METTL22: variants seen among roughly 807,000 people sequenced by gnomAD.
METTL22 encodes methyltransferase-like protein 22.
METTL22 carries 51 observed loss-of-function variants against 48.4 expected under a neutral mutation model. That is an observed-to-expected ratio of 1.05 (90% CI 0.84 to 1.33). The LOEUF (loss-of-function observed/expected upper bound fraction) is 1.33, where lower values mean the gene tolerates loss of function less well. METTL22 is among the 40% of genes most tolerant of loss of function. The pLI, the probability that METTL22 is intolerant of heterozygous loss-of-function variation, is 0.00. For synonymous variants in METTL22, 255 were observed against 214.1 expected (o/e 1.19, Z -1.67); for missense variants, 678 against 526.9 (o/e 1.29, Z -2.81).
intron 5 of METTL22, among the ~76,000 whole-genome samples, chr16:8,635,674 G>C (rs539992141): frequency 6.6e-6 from 1 of 152,256 alleles, no homozygotes; most frequent in African/African-American, 2.4e-5. Context: ...TTTTTTTCCT[G>C]GGTATAGAAG....
At chr16:8,630,923 G>C (rs563625139) in intron 3 of METTL22, among the ~76,000 whole-genome samples, 1 of 152,286 alleles carries the variant, frequency 6.6e-6, no homozygotes, top group South Asian at 2.1e-4. Flanking sequence ...ATCTAATCCT[G>C]CAGGGCTGGA....
At position 8,621,747 on chromosome 16, in the gene METTL22, G is replaced by A. The variant is rs577685553; in HGVS notation, c.-199G>A. 7.2e-5 allele frequency: 11 copies of A among 152,424 alleles called. No individual in the cohort carries two copies. Among genetic ancestry groups the A allele is most frequent in the African/African-American group, 2.4e-4 (10 of 41,586 alleles). 9.4% of individuals were successfully genotyped at this position (152,424 alleles called of 1,614,324 possible). Reference sequence around the variant, plus strand: ...TAAGTCCCACAGAGACGGGAGTCGGGTGGGATCCCAGGCTGGGCCCCGCGG... The same window carrying A: ...TAAGTCCCACAGAGACGGGAGTCGGATGGGATCCCAGGCTGGGCCCCGCGG... On this transcript the variant is annotated 5_prime_UTR_variant, in exon 1 of 11. It adds an upstream start codon to the 5' untranslated region. Coordinates refer to ENST00000381920, the MANE Select transcript of METTL22 (RefSeq NM_024109.4).
intron 2 of METTL22, among the ~76,000 whole-genome samples, chr16:8,626,759 C>G (rs1203570663): frequency 1.2e-5 from 1 of 86,318 alleles, no homozygotes; most frequent in Non-Finnish European, 2.4e-5. Flanking sequence ...CTGTCCTCTA[C>G]TCTTTTTTTT....
At chr16:8,653,046 A>G (rs2056921542), downstream of METTL22, among the ~76,000 whole-genome samples, 1 of 152,136 alleles carries the variant, frequency 6.6e-6, no homozygotes, top group African/African-American at 2.4e-5. Flanking sequence ...TGCTCAACCA[A>G]TGCATGCGCC....
chr16:8,629,245 C>T (rs1055348386), intron 3 of METTL22, 135 bp downstream of exon 3: 51 of 1,161,922 alleles, frequency 4.4e-5, no homozygotes, highest in Non-Finnish European at 7.3e-6. Context: ...TCGGGTGAGA[C>T]TGGGGAAGCT....
chr16:8,631,190 T>G (rs755163314), intron 3 of METTL22: 1 of 152,230 alleles, frequency 6.6e-6, no homozygotes, highest in Non-Finnish European at 1.5e-5. Context: ...TAGACCCATT[T>G]GAGAAACTGG....
rs879009540 is a variant in METTL22 at position 8,640,938 on chromosome 16, A to G, written c.773-193A>G. ...GATGGATGGATGGATGGATGGATGGATGGATGGGTGGGTGGATGGCTGGCT... is the reference window on the plus strand; with the variant it reads ...GATGGATGGATGGATGGATGGATGGGTGGATGGGTGGGTGGATGGCTGGCT... On this transcript the variant is annotated intron_variant, in intron 6 of 10. Transcript: ENST00000381920. Among the ~76,000 whole-genome samples the G allele has an allele frequency of 3.3e-3, 54 of 16,266 alleles. 3 individuals are homozygous for G. The highest frequency in any genetic ancestry group is 6.6e-3 in the Non-Finnish European group (44 of 6,706). The allele number at this position is 16,266 out of a possible 152,430, so 10.7% of individuals were successfully genotyped here. A position where few individuals can be genotyped will look rare whatever the true frequency, so the allele number is the denominator to read the frequency against.
chr16:8,625,876 A>G lies in METTL22; in HGVS notation c.133+78A>G, dbSNP rs988951719. On this transcript the variant is annotated intron_variant, in intron 2 of 10. Transcript: ENST00000381920. ...TCATACTCATCTTTTTGGGGAAAAT[A>G]TTGGGAAGACTGGATTACGTAACTG... The G allele has an allele frequency of 4.5e-6, 7 of 1,561,210 alleles. No individual in the cohort carries two copies. The African/African-American group carries it at 9.5e-5, about 21-fold the overall frequency.
intron 6 of METTL22, chr16:8,639,402 A>G (rs1196934892): frequency 1.7e-6 from 1 of 575,952 alleles, no homozygotes; most frequent in East Asian, 2.9e-5. Flanking sequence ...TCTCTCCCGG[A>G]CACTGGCGGC....
At chr16:8,631,805 T>C (rs1285041483) in intron 3 of METTL22, 1 of 152,200 alleles carries the variant, frequency 6.6e-6, no homozygotes, top group Non-Finnish European at 1.5e-5. Flanking sequence ...CATGATACCT[T>C]TGGGATTATT....
chr16:8,637,419 C>T (rs182056927), intron 5 of METTL22, among the ~76,000 whole-genome samples: 4 of 152,258 alleles, frequency 2.6e-5, no homozygotes, highest in African/African-American at 9.6e-5. Context: ...AAGTCTTATC[C>T]CTGAGAGAGA....
At chr16:8,658,910 C>T in the METTL22 span, among the ~76,000 whole-genome samples, 1 of 152,186 alleles carries the variant, frequency 6.6e-6, no homozygotes, top group Non-Finnish European at 1.5e-5. Context: ...TCCGAGAATG[C>T]ACCACTCTCT....
At chr16:8,651,399 A>AAAAAAAAAAC (rs1299371588), downstream of METTL22, among the ~76,000 whole-genome samples, 2 of 150,630 alleles carry the variant, frequency 1.3e-5, no homozygotes, top group East Asian at 1.9e-4. Flanking sequence ...AAAAAAAAAA[A>AAAAAAAAAAC]AAAACATACT....
At chr16:8,642,746 G>T in intron 9 of METTL22, 181 bp downstream of exon 9, 1 of 652,434 alleles carries the variant, frequency 1.5e-6, no homozygotes, top group South Asian at 1.7e-5. Context: ...CTGCATCCTA[G>T]CCCTGTGTGC....
rs370298860 is a variant in METTL22, at chr16:8,639,095, C to T, written c.705C>T (p.Val235=). The change falls in exon 6 of 11, where the codon GTC becomes GTT. Residue 235 remains valine (V), a synonymous_variant. Transcript: ENST00000381920. Reference sequence around the variant, plus strand: ...GCTTGCCCTCTGTCATTCCAGATGTCGGTGCAGATCTCTTGTCCATGTGCC... The same window carrying T: ...GCTTGCCCTCTGTCATTCCAGATGTTGGTGCAGATCTCTTGTCCATGTGCC... ...TMARTVYCTD[V]GADLLSMCQR... is the part of the protein sequence containing the mutation. 23 of 1,613,886 alleles carry T rather than the reference C, an allele frequency of 1.4e-5. No individual in the cohort carries two copies. Among genetic ancestry groups the T allele is most frequent in the Admixed American group, 1.2e-4 (7 of 60,006 alleles).
At chr16:8,636,251 T>A (rs1037553246) in intron 5 of METTL22, among the ~76,000 whole-genome samples, 1 of 152,110 alleles carries the variant, frequency 6.6e-6, no homozygotes, top group Non-Finnish European at 1.5e-5. Context: ...AATTATTATA[T>A]AGGCCAGGTG....
At chr16:8,659,157 C>T in the METTL22 span, among the ~76,000 whole-genome samples, 1 of 152,154 alleles carries the variant, frequency 6.6e-6, no homozygotes, top group East Asian at 1.9e-4. Flanking sequence ...ATGGTGAAAC[C>T]CCATCTGTAC....
chr16:8,649,219 G>C lies in METTL22; in HGVS notation c.*3076G>C, dbSNP rs986951133. ...GGCCTGAAAGCTTCCTCTAAGTAGA[G>C]CCTGGAATTAATCTTGATCCACTGT... On this transcript the variant is annotated 3_prime_UTR_variant, in exon 11 of 11. Coordinates refer to ENST00000381920, the MANE Select transcript of METTL22 (RefSeq NM_024109.4). The C allele has an allele frequency of 6.6e-6, 1 of 152,174 alleles. No individual in the cohort carries two copies. Among genetic ancestry groups the C allele is most frequent in the African/African-American group, 2.4e-5 (1 of 41,434 alleles). 9.4% of individuals were successfully genotyped at this position (152,174 alleles called of 1,614,324 possible).
chr16:8,641,925 A>G (rs967398330), intron 7 of METTL22: 40 of 614,634 alleles, frequency 6.5e-5, no homozygotes, highest in Non-Finnish European at 9.4e-5. Context: ...CTCAGCAGAA[A>G]AGGCACCTCT....
Sources: allele counts gnomAD v4.1 joint callset (sites outside exome capture counted in the v4.1 genomes callset), GRCh38; gene constraint gnomAD v4.1.1; transcripts MANE v1.5; gene names NCBI Gene and HGNC (gene_info 2026-07-23, HGNC 2026-07-21).